Variants in CLPB observed in about 807,000 individuals in gnomAD.
CLPB encodes mitochondrial disaggregase.
A neutral mutation model predicts 78.4 loss-of-function variants in CLPB; 40 were observed. That is an observed-to-expected ratio of 0.51 (90% CI 0.40 to 0.66). CLPB has a LOEUF of 0.66. Among genes scored for constraint, CLPB ranks in the 30% least tolerant of loss-of-function variants. The probability of loss-of-function intolerance (pLI) is 0.00; values close to 1 mark genes in which losing one functional copy is unlikely to be tolerated. For synonymous variants in CLPB, 333 were observed against 348.0 expected (o/e 0.96, Z 0.48); for missense variants, 780 against 886.9 (o/e 0.88, Z 1.53).
chr11:72,393,642 C>T (rs1855317858), intron 3 of CLPB, among the ~76,000 whole-genome samples: 1 of 152,186 alleles, frequency 6.6e-6, no homozygotes, highest in Admixed American at 6.5e-5. Flanking sequence ...ATTTCCATCT[C>T]CACACACATA....
intron 3 of CLPB, among the ~76,000 whole-genome samples, chr11:72,398,384 C>T (rs1459077897): frequency 6.6e-6 from 1 of 152,166 alleles, no homozygotes; most frequent in African/African-American, 2.4e-5. Context: ...CGAATCAAGT[C>T]GCCCGAGAGC....
intron 7 of CLPB, among the ~76,000 whole-genome samples, chr11:72,311,348 A>G (rs1177368462): frequency 2.0e-5 from 3 of 152,162 alleles, no homozygotes; most frequent in African/African-American, 7.2e-5. Context: ...CAGCAAATGT[A>G]TTTACAACTG....
chr11:72,307,521 G>A (rs1038026417), intron 8 of CLPB, among the ~76,000 whole-genome samples: 1 of 152,130 alleles, frequency 6.6e-6, no homozygotes, highest in African/African-American at 2.4e-5. Context: ...AGAGTGACAG[G>A]CTGACTTTAT....
At chr11:72,369,395 T>C (rs1275595805) in intron 4 of CLPB, among the ~76,000 whole-genome samples, 1 of 152,138 alleles carries the variant, frequency 6.6e-6, no homozygotes, top group East Asian at 1.9e-4. Flanking sequence ...ATAAGTACCC[T>C]GAGGTCACCC....
intron 3 of CLPB, among the ~76,000 whole-genome samples, chr11:72,384,577 C>T (rs968622780): frequency 4.6e-5 from 7 of 152,138 alleles, no homozygotes; most frequent in African/African-American, 1.7e-4. Context: ...AGTTAGTCCT[C>T]ACCAATCAAT....
At chr11:72,338,073 C>T (rs1376176297) in intron 5 of CLPB, among the ~76,000 whole-genome samples, 1 of 152,180 alleles carries the variant, frequency 6.6e-6, no homozygotes, top group Middle Eastern at 3.2e-3. Context: ...TCCAGACATT[C>T]CCCATTCCAC....
At chr11:72,404,848 A>T (rs953275530) in intron 2 of CLPB, among the ~76,000 whole-genome samples, 7 of 152,168 alleles carry the variant, frequency 4.6e-5, no homozygotes, top group Admixed American at 3.9e-4. Flanking sequence ...TCTAGTTTGG[A>T]GGATTTACTC....
intron 2 of CLPB, among the ~76,000 whole-genome samples, chr11:72,417,549 T>C (rs1856059391): frequency 6.6e-6 from 1 of 152,188 alleles, no homozygotes; most frequent in African/African-American, 2.4e-5. Flanking sequence ...ATCTTATAAA[T>C]GTTCTAAAAT....
In CLPB at chr11:72,409,053, C is replaced by T. The variant is rs548796969; in HGVS notation, c.456-6001G>A. On this transcript the variant is annotated intron_variant, in intron 2 of 15. Coordinates refer to ENST00000538039, the MANE Select transcript of CLPB (RefSeq NM_001258392.3). ...CGGTGTCTCTGAAAAGGTTAGGATT[C>T]CATCATCCCTGAGATGATGAGTAGA... 5.3e-5 allele frequency among the ~76,000 whole-genome samples: 8 copies of T among 152,306 alleles called. No individual in the cohort carries two copies. The South Asian group carries it at 1.5e-3, about 28-fold the overall frequency.
At chr11:72,317,769 C>A (rs1448923248) in intron 6 of CLPB, among the ~76,000 whole-genome samples, 1 of 152,200 alleles carries the variant, frequency 6.6e-6, no homozygotes, top group Non-Finnish European at 1.5e-5. Context: ...CATGCCCAGC[C>A]TTGTGCATGG....
chr11:72,341,468 T>A (rs1950419328), intron 5 of CLPB, among the ~76,000 whole-genome samples: 1 of 152,106 alleles, frequency 6.6e-6, no homozygotes, highest in Non-Finnish European at 1.5e-5. Context: ...GGGAACAGAG[T>A]GAGAAGTGAT....
Position 72,287,203 on chromosome 11 carries a change from G to A in CLPB, c.*6164C>T, listed in dbSNP as rs1394878226. On this transcript the variant is annotated 3_prime_UTR_variant, in exon 16 of 16. Coordinates refer to ENST00000538039, the MANE Select transcript of CLPB (RefSeq NM_001258392.3). ...TAGTTAAAACTCATCTATTTTGGGG[G>A]TTGAGTGATGGCTATAGGAGTGTGT... The A allele has an allele frequency of 1.3e-5, 2 of 152,154 alleles. No homozygotes were observed. Among genetic ancestry groups the A allele is most frequent in the Non-Finnish European group, 2.9e-5 (2 of 68,024 alleles). 9.4% of individuals were successfully genotyped at this position (152,154 alleles called of 1,614,324 possible). A position where few individuals can be genotyped will look rare whatever the true frequency, so the allele number is the denominator to read the frequency against.
At chr11:72,371,173 C>T (rs192171154) in intron 4 of CLPB, among the ~76,000 whole-genome samples, 47 of 152,126 alleles carry the variant, frequency 3.1e-4, no homozygotes, top group African/African-American at 1.1e-3. Context: ...AGGCAATCCT[C>T]CTGTCTCAGC....
intron 3 of CLPB, among the ~76,000 whole-genome samples, chr11:72,396,343 G>GCT (rs1855407036): frequency 6.6e-6 from 1 of 152,150 alleles, no homozygotes; most frequent in Non-Finnish European, 1.5e-5. Context: ...TGTGCTTCAT[G>GCT]CTCTGCCTTG....
chr11:72,403,452 C>G (rs1487521930), intron 2 of CLPB, among the ~76,000 whole-genome samples: 1 of 152,194 alleles, frequency 6.6e-6, no homozygotes. Context: ...TTGAATTCTC[C>G]TCTCATGCTA....
At chr11:72,431,313 T>C (rs373345968) in intron 1 of CLPB, among the ~76,000 whole-genome samples, 1 of 152,124 alleles carries the variant, frequency 6.6e-6, no homozygotes, top group Non-Finnish European at 1.5e-5. Flanking sequence ...AGTGGGCGGA[T>C]TCATAGCCAG....
chr11:72,338,443 C>T (rs1308539624), intron 5 of CLPB, among the ~76,000 whole-genome samples: 1 of 152,294 alleles, frequency 6.6e-6, no homozygotes, highest in East Asian at 1.9e-4. Context: ...TAGTCCAGGG[C>T]TCTTTCCACC....
chr11:72,379,529 ATGATCG>A (rs1482298138), intron 4 of CLPB, among the ~76,000 whole-genome samples: 3 of 152,190 alleles, frequency 2.0e-5, no homozygotes, highest in African/African-American at 7.2e-5. Context: ...CAACAGACAC[ATGATCG>A]AGCCCTAGTG....
rs780612425 is a variant in CLPB, at chr11:72,295,565, C to G, written c.1413G>C (p.Glu471Asp). ...FIMTSNVASD[E>D]IAQHALQLRQ... is the part of the protein sequence containing the mutation. ...TCAGCTGCAGCGCGTGCTGTGCGAT[C>G]TCGTCGCTGGCCACATTGGAGGTCA... is the stretch of plus-strand genomic sequence containing the variant. Residue 471 changes from glutamate (E) to aspartate (D), a missense_variant, in exon 12 of 16, where the codon GAG becomes GAC. Around this residue, in one of 3 missense-constraint regions of CLPB, gnomAD observed 272 missense variants for 304.0 expected, o/e 0.89. Transcript: ENST00000538039. 1 of 1,614,202 alleles carries G rather than the reference C, an allele frequency of 6.2e-7. No homozygotes were observed. Among genetic ancestry groups the G allele is most frequent in the South Asian group, 1.1e-5 (1 of 91,070 alleles).
Sources: allele counts gnomAD v4.1 joint callset (sites outside exome capture counted in the v4.1 genomes callset), GRCh38; gene constraint gnomAD v4.1.1; regional missense constraint gnomAD v4.1.1; transcripts MANE v1.5; gene names NCBI Gene and HGNC (gene_info 2026-07-23, HGNC 2026-07-21).